Variants in FAM185A observed in about 807,000 individuals in gnomAD.
FAM185A encodes the protein family with sequence similarity 185 member A.
A neutral mutation model predicts 45.7 loss-of-function variants in FAM185A; 21 were observed. The ratio of observed to expected loss-of-function variants is 0.46; its 90% CI spans 0.33 to 0.66. FAM185A has a LOEUF of 0.66. Ranked by LOEUF, FAM185A falls within the 30% of genes least tolerant of loss-of-function variation. The pLI is 0.03. For missense variants in FAM185A, 305 were observed against 485.4 expected, an observed-to-expected ratio of 0.63 and a Z score of 3.49; for synonymous variants, 117 against 194.0, an observed-to-expected ratio of 0.60 and a Z score of 3.30.
intron 4 of FAM185A, among the ~76,000 whole-genome samples, chr7:102,762,229 T>C (rs146727036): frequency 0.09 from 13,742 of 152,218 alleles, 693 homozygotes; most frequent in African/African-American, 0.12. Flanking sequence ...AATATCCTCT[T>C]GTGGTTTCTA....
the FAM185A span, among the ~76,000 whole-genome samples, chr7:102,849,553 A>C: frequency 6.6e-6 from 1 of 152,250 alleles, no homozygotes; most frequent in East Asian, 1.9e-4. Flanking sequence ...ACCTTATCTA[A>C]GTAACGAGAG....
chr7:102,840,722 G>A, the FAM185A span, among the ~76,000 whole-genome samples: 75 of 152,112 alleles, frequency 4.9e-4, no homozygotes, highest in Non-Finnish European at 8.1e-4. Context: ...GAGGCTACCA[G>A]TCTAGTGGAA....
intron 7 of FAM185A, among the ~76,000 whole-genome samples, chr7:102,788,970 T>A (rs376209603): frequency 0.011 from 1,436 of 134,022 alleles, no homozygotes; most frequent in Non-Finnish European, 0.016. Context: ...GTAGGACTGG[T>A]AGTTGCTCTG....
chr7:102,850,454 A>G, the FAM185A span, among the ~76,000 whole-genome samples: 2 of 152,362 alleles, frequency 1.3e-5, no homozygotes, highest in South Asian at 2.1e-4. Context: ...ACTGATCACC[A>G]TATGAGAAAT....
intron 4 of FAM185A, among the ~76,000 whole-genome samples, chr7:102,767,064 G>A (rs1794453528): frequency 6.6e-6 from 1 of 151,824 alleles, no homozygotes; most frequent in Non-Finnish European, 1.5e-5. Flanking sequence ...CCAAAGTGCT[G>A]GAATTACAGG....
At chr7:102,775,312 T>C (rs1794993916) in intron 5 of FAM185A, among the ~76,000 whole-genome samples, 1 of 152,208 alleles carries the variant, frequency 6.6e-6, no homozygotes, top group Non-Finnish European at 1.5e-5. Context: ...TTCTCCATTA[T>C]GTAAACTCCA....
At chr7:102,822,131 C>A in the FAM185A span, 1 of 1,614,188 alleles carries the variant, frequency 6.2e-7, no homozygotes, top group Non-Finnish European at 8.5e-7. Flanking sequence ...GTAAGCAAGA[C>A]ACAACCAGAG....
chr7:102,770,092 TCTC>T (rs1794658951), intron 4 of FAM185A, among the ~76,000 whole-genome samples: 4 of 152,220 alleles, frequency 2.6e-5, no homozygotes, highest in Admixed American at 2.0e-4. Flanking sequence ...ACTAGGTGAA[TCTC>T]CTTAAAGCAT....
intron 4 of FAM185A, among the ~76,000 whole-genome samples, chr7:102,766,295 AT>A: frequency 1.3e-5 from 2 of 152,400 alleles, no homozygotes; most frequent in South Asian, 4.1e-4. Context: ...ATTAGGCTCT[AT>A]TTTAAGTTCT....
chr7:102,776,320 GAGA>G (rs1795058188), intron 5 of FAM185A, among the ~76,000 whole-genome samples: 1 of 151,714 alleles, frequency 6.6e-6, no homozygotes, highest in Non-Finnish European at 1.5e-5. Flanking sequence ...ATGGGAGAAA[GAGA>G]AGAAGGAAAA....
the FAM185A span, among the ~76,000 whole-genome samples, chr7:102,818,727 T>C: frequency 5.3e-5 from 8 of 152,182 alleles, no homozygotes; most frequent in African/African-American, 1.9e-4. Flanking sequence ...TTCTCTAGAA[T>C]TGAAGGTTTT....
downstream of FAM185A, chr7:102,813,589 T>G (rs1330607878): frequency 1.3e-6 from 2 of 1,558,584 alleles, no homozygotes; most frequent in Admixed American, 3.8e-5. Flanking sequence ...GTGCAAAATT[T>G]TCAAACTCAA....
At chr7:102,782,631 A>G (rs1795482708) in intron 6 of FAM185A, among the ~76,000 whole-genome samples, 1 of 152,230 alleles carries the variant, frequency 6.6e-6, no homozygotes, top group African/African-American at 2.4e-5. Flanking sequence ...GGCCGCCCCT[A>G]AAACAGCTCC....
chr7:102,788,676 A>C (rs1280286039), intron 7 of FAM185A, among the ~76,000 whole-genome samples: 1 of 152,224 alleles, frequency 6.6e-6, no homozygotes, highest in Non-Finnish European at 1.5e-5. Flanking sequence ...AATGACAGAG[A>C]TACATTCTGA....
chr7:102,776,702 T>TAAAAAAAAAAAAAAAA (rs72022042), intron 5 of FAM185A, among the ~76,000 whole-genome samples: 3 of 97,082 alleles, frequency 3.1e-5, no homozygotes, highest in East Asian at 2.9e-4. Context: ...ACCCTGTCTC[T>TAAAAAAAAAAAAAAAA]AAAAAAAAAA....
At chr7:102,804,381 CACTT>C (rs1166319608) in intron 7 of FAM185A, among the ~76,000 whole-genome samples, 4 of 144,240 alleles carry the variant, frequency 2.8e-5, no homozygotes, top group East Asian at 4.1e-4. Context: ...TAAACCCAAA[CACTT>C]ACAGCCAACT....
At chr7:102,837,138 T>A in the FAM185A span, among the ~76,000 whole-genome samples, 4 of 152,198 alleles carry the variant, frequency 2.6e-5, no homozygotes, top group Admixed American at 1.3e-4. Context: ...TCCCATGAGA[T>A]GGAGAGCTAC....
At chr7:102,811,276 G>GA (rs1562885939), downstream of FAM185A, among the ~76,000 whole-genome samples, 1 of 152,228 alleles carries the variant, frequency 6.6e-6, no homozygotes, top group African/African-American at 2.4e-5. Context: ...CAGACAAAAA[G>GA]AAAAAGCTGC....
the FAM185A span, among the ~76,000 whole-genome samples, chr7:102,842,959 C>G: frequency 1.3e-5 from 2 of 152,360 alleles, no homozygotes; most frequent in African/African-American, 4.8e-5. Flanking sequence ...TATGAAGTAG[C>G]TTATGATTGT....
Sources: allele counts gnomAD v4.1 joint callset (sites outside exome capture counted in the v4.1 genomes callset), GRCh38; gene constraint gnomAD v4.1.1; transcripts MANE v1.5; gene names NCBI Gene and HGNC (gene_info 2026-07-23, HGNC 2026-07-21).